The following KIF26B variants were observed in gnomAD, a reference collection of about 807,000 sequenced individuals.
KIF26B encodes kinesin-like protein KIF26B.
KIF26B carries 63 observed loss-of-function variants against 151.2 expected under a neutral mutation model. The observed-to-expected ratio is 0.42, with a 90% CI of 0.34 to 0.51. KIF26B has a LOEUF of 0.51. Ranked by LOEUF, KIF26B falls within the 20% of genes least tolerant of loss-of-function variation. The pLI is 0.07. For synonymous variants in KIF26B, 1,357 were observed against 1,262.1 expected, an observed-to-expected ratio of 1.08 and a Z score of -1.59; for missense variants, 2,813 against 2,913.6, an observed-to-expected ratio of 0.97 and a Z score of 0.79.
At chr1:245,476,245 A>C (rs926082211) in intron 4 of KIF26B, among the ~76,000 whole-genome samples, 39 of 151,822 alleles carry the variant, frequency 2.6e-4, no homozygotes, top group African/African-American at 8.9e-4. Flanking sequence ...GTTGCCTAGA[A>C]CTGGGGGTGT....
intron 3 of KIF26B, among the ~76,000 whole-genome samples, chr1:245,411,486 C>T (rs1016307716): frequency 6.6e-6 from 1 of 152,180 alleles, no homozygotes; most frequent in Non-Finnish European, 1.5e-5. Flanking sequence ...GTCATTTCAT[C>T]TGTTTCTCTG....
chr1:245,229,338 G>A (rs1669944270), intron 2 of KIF26B, among the ~76,000 whole-genome samples: 1 of 152,062 alleles, frequency 6.6e-6, no homozygotes, highest in Non-Finnish European at 1.5e-5. Flanking sequence ...ATTTTTAGGG[G>A]GGTTGCAAAT....
intron 2 of KIF26B, among the ~76,000 whole-genome samples, chr1:245,270,358 T>G (rs2102963197): frequency 6.8e-6 from 1 of 147,434 alleles, no homozygotes; most frequent in South Asian, 2.3e-4. Flanking sequence ...CTCCTTCCCT[T>G]CCCTTCCCTT....
intron 2 of KIF26B, among the ~76,000 whole-genome samples, chr1:245,355,380 G>A (rs183635533): frequency 2.2e-4 from 33 of 152,118 alleles, no homozygotes; most frequent in African/African-American, 7.2e-4. Flanking sequence ...TGTCCCCTGA[G>A]CATCAAAATC....
chr1:245,433,375 G>T (rs1317561153), intron 4 of KIF26B, among the ~76,000 whole-genome samples: 1 of 151,762 alleles, frequency 6.6e-6, no homozygotes, highest in Non-Finnish European at 1.5e-5. Context: ...GCTGAGGCAG[G>T]AGAATCGCTT....
rs547271589 is a variant in KIF26B at position 245,703,873 on chromosome 1, T to C, written c.*1267T>C. The C allele has an allele frequency of 1.3e-5, 2 of 152,298 alleles. No homozygotes were observed. Among genetic ancestry groups the C allele is most frequent in the South Asian group, 4.1e-4 (2 of 4,832 alleles). 9.4% of individuals were successfully genotyped at this position (152,298 alleles called of 1,614,324 possible). On this transcript the variant is annotated 3_prime_UTR_variant, in exon 15 of 15. Transcript: ENST00000407071. ...GCCAAGAAGGGACAGGCTTGTCCTC[T>C]CAGTCTTTGCTCCTGCCCAAAGGCA...
intron 2 of KIF26B, among the ~76,000 whole-genome samples, chr1:245,360,312 C>T (rs781195132): frequency 2.1e-4 from 32 of 152,250 alleles, no homozygotes; most frequent in Non-Finnish European, 3.8e-4. Context: ...ATCATTGTCA[C>T]CATCCTCCTT....
chr1:245,350,078 C>T (rs1672534184), intron 2 of KIF26B, among the ~76,000 whole-genome samples: 1 of 151,880 alleles, frequency 6.6e-6, no homozygotes, highest in Non-Finnish European at 1.5e-5. Context: ...ACTTGCACAT[C>T]ACATTTCCCC....
At chr1:245,211,473 C>G (rs1669528055) in intron 2 of KIF26B, among the ~76,000 whole-genome samples, 1 of 152,076 alleles carries the variant, frequency 6.6e-6, no homozygotes. Flanking sequence ...AATCAGCTCA[C>G]TGTAACCTTG....
At chr1:245,323,250 A>G (rs978182984) in intron 2 of KIF26B, among the ~76,000 whole-genome samples, 4 of 152,132 alleles carry the variant, frequency 2.6e-5, no homozygotes, top group African/African-American at 7.2e-5. Flanking sequence ...CAGTTTTGCA[A>G]AGCTCTTTTG....
chr1:245,625,774 C>A (rs773442652), intron 9 of KIF26B, among the ~76,000 whole-genome samples: 2 of 151,952 alleles, frequency 1.3e-5, no homozygotes, highest in Non-Finnish European at 2.9e-5. Context: ...ATCCCCCTCC[C>A]CCGGCACCCC....
At position 245,405,533 on chromosome 1, in the gene KIF26B, C is replaced by T. The variant is rs113494319; in HGVS notation, c.1000-14046C>T. 4.2e-3 allele frequency among the ~76,000 whole-genome samples: 645 copies of T among 152,150 alleles called. 5 individuals are homozygous for T. Among genetic ancestry groups the T allele is most frequent in the African/African-American group, 0.015 (627 of 41,502 alleles). On this transcript the variant is annotated intron_variant, in intron 3 of 14. Transcript: ENST00000407071. The stretch of plus-strand genomic sequence containing the variant: ...AGCTGGTCATTTGGGTAGAACTGAG[C>T]CCCTGGCTTATGGCTAACCTACAGA...
rs1184169417 is a variant in KIF26B, at chr1:245,560,057, C to T, written c.1350+19107C>T. Among the ~76,000 whole-genome samples the T allele has an allele frequency of 6.6e-6, 1 of 152,148 alleles. No homozygotes were observed. Among genetic ancestry groups the T allele is most frequent in the Non-Finnish European group, 1.5e-5 (1 of 68,016 alleles). On this transcript the variant is annotated intron_variant, in intron 5 of 14. Coordinates refer to ENST00000407071, the MANE Select transcript of KIF26B (RefSeq NM_018012.4). The surrounding 1 kb of genome is among the most constrained non-coding windows in gnomAD (Gnocchi z 4.3). Reference sequence around the variant, plus strand: ...TGGCGTGGAAACACGCTGCTCAGTCCTCAGGCCCAGCTCCCGTGTCACCTG... The same window carrying T: ...TGGCGTGGAAACACGCTGCTCAGTCTTCAGGCCCAGCTCCCGTGTCACCTG...
At chr1:245,174,739 A>C (rs1668774607) in intron 2 of KIF26B, among the ~76,000 whole-genome samples, 1 of 152,148 alleles carries the variant, frequency 6.6e-6, no homozygotes, top group African/African-American at 2.4e-5. Context: ...ACGCTTGATG[A>C]GTGTCACCAG....
intron 2 of KIF26B, among the ~76,000 whole-genome samples, chr1:245,336,447 C>A (rs761747447): frequency 6.6e-6 from 1 of 152,218 alleles, no homozygotes; most frequent in Non-Finnish European, 1.5e-5. Flanking sequence ...GATCTGGCCA[C>A]TTGGTGAAGG....
chr1:245,257,307 C>T (rs75239229), intron 2 of KIF26B, among the ~76,000 whole-genome samples: 3,834 of 152,308 alleles, frequency 0.025, 147 homozygotes, highest in African/African-American at 0.086. Flanking sequence ...TATAGCCCGA[C>T]CACTTGGGCA....
intron 5 of KIF26B, among the ~76,000 whole-genome samples, chr1:245,573,261 C>T (rs1391201972): frequency 2.0e-5 from 3 of 152,316 alleles, no homozygotes; most frequent in South Asian, 2.1e-4. Context: ...CAGCGGCTCA[C>T]GCCTGTAATC....
intron 3 of KIF26B, among the ~76,000 whole-genome samples, chr1:245,403,719 T>G (rs745852782): frequency 6.6e-6 from 1 of 152,238 alleles, no homozygotes; most frequent in Non-Finnish European, 1.5e-5. Flanking sequence ...TGTGCATGTT[T>G]CACTCTTGCC....
At position 245,369,195 on chromosome 1, in the gene KIF26B, G is replaced by GAGAGAGAGAGAGACAGACAGACAGAC. The variant is rs375330671; in HGVS notation, c.999+1831_999+1832insGAGAGAGAGACAGACAGACAGACAGA. On this transcript the variant is annotated intron_variant, in intron 3 of 14. Coordinates refer to ENST00000407071, the MANE Select transcript of KIF26B (RefSeq NM_018012.4). ...AGAGAGAGAGAGAGAGAGAGAGAGA[G>GAGAGAGAGAGAGACAGACAGACAGAC]AGACAGACAGACAGACAGACAGTTT... Among the ~76,000 whole-genome samples the GAGAGAGAGAGAGACAGACAGACAGAC allele has an allele frequency of 2.2e-3, 289 of 129,588 alleles. 1 individual carries two copies. The highest frequency in any genetic ancestry group is 4.1e-3 in the Non-Finnish European group (246 of 60,222). 85.0% of individuals were successfully genotyped at this position (129,588 alleles called of 152,430 possible).
Sources: allele counts gnomAD v4.1 joint callset (sites outside exome capture counted in the v4.1 genomes callset), GRCh38; gene constraint gnomAD v4.1.1; non-coding constraint Gnocchi (gnomAD v3.1); transcripts MANE v1.5; gene names NCBI Gene and HGNC (gene_info 2026-07-23, HGNC 2026-07-21).